PKHD1: variants seen among roughly 807,000 people sequenced by gnomAD.
PKHD1 encodes fibrocystin.
A neutral mutation model predicts 412.0 loss-of-function variants in PKHD1; 291 were observed. The observed-to-expected ratio is 0.71, with a 90% CI of 0.64 to 0.78. The LOEUF (loss-of-function observed/expected upper bound fraction) is 0.78, where lower values mean the gene tolerates loss of function less well. PKHD1 is among the 30% of genes least tolerant of loss of function. The pLI, the probability that PKHD1 is intolerant of heterozygous loss-of-function variation, is 0.00. For missense variants in PKHD1, 4,825 were observed against 4,950.7 expected (o/e 0.97, Z 0.76); for synonymous variants, 1,777 against 1,821.5 (o/e 0.98, Z 0.62).
intron 65 of PKHD1, among the ~76,000 whole-genome samples, chr6:51,627,518 C>A (rs1481522274): frequency 6.6e-6 from 1 of 151,732 alleles, no homozygotes; most frequent in Non-Finnish European, 1.5e-5. Flanking sequence ...TACATATGTG[C>A]CTTGCATATG....
chr6:51,646,983 C>T (rs751773569), intron 63 of PKHD1, among the ~76,000 whole-genome samples: 1 of 152,134 alleles, frequency 6.6e-6, no homozygotes, highest in Non-Finnish European at 1.5e-5. Context: ...AGAGCGCAGC[C>T]CAAACTCCCC....
intron 35 of PKHD1, among the ~76,000 whole-genome samples, chr6:51,992,386 T>C (rs1583768056): frequency 6.6e-6 from 1 of 152,390 alleles, no homozygotes. Context: ...TGTTTCATTT[T>C]AATGTTTGAA....
rs1554263049 is a variant in PKHD1 at position 51,830,856 on chromosome 6, C to T, written c.8302+5G>A. On this transcript the variant is annotated splice_donor_5th_base_variant and intron_variant, in intron 52 of 66. Transcript: ENST00000371117. ...GTGATTCATCTCTTGGGTAGTTTTA[C>T]TCACTGGGTAAAATGAGAACGTCAT... The T allele has an allele frequency of 6.2e-7, 1 of 1,612,354 alleles. No homozygotes were observed. The highest frequency in any genetic ancestry group is 8.5e-7 in the Non-Finnish European group (1 of 1,178,738).
Position 51,738,127 on chromosome 6 carries a change from G to A in PKHD1, c.10156+6258C>T, listed in dbSNP as rs193002416. Among the ~76,000 whole-genome samples, 26 of 152,252 alleles carry A rather than the reference G, an allele frequency of 1.7e-4. No homozygotes were observed. The East Asian group carries it at 4.1e-3, about 24-fold the overall frequency. ...TAGCCGATAGTTTGTGGGCCAGCAC[G>A]CGTGGAGCAGCTACCTCCAAGCCCC... is the stretch of plus-strand genomic sequence containing the variant. On this transcript the variant is annotated intron_variant, in intron 60 of 66. Coordinates refer to ENST00000371117, the MANE Select transcript of PKHD1 (RefSeq NM_138694.4).
At chr6:51,702,372 C>G (rs541971013) in intron 60 of PKHD1, among the ~76,000 whole-genome samples, 1 of 151,356 alleles carries the variant, frequency 6.6e-6, no homozygotes, top group Admixed American at 6.6e-5. Flanking sequence ...TAAGTGGGAG[C>G]TAAGCTATGA....
intron 60 of PKHD1, among the ~76,000 whole-genome samples, chr6:51,730,645 GAA>G (rs1295227496): frequency 6.6e-6 from 1 of 152,024 alleles, no homozygotes; most frequent in South Asian, 2.1e-4. Context: ...AATACATAAA[GAA>G]AAAACTGTAA....
chr6:51,632,328 T>C (rs142625521), intron 65 of PKHD1, among the ~76,000 whole-genome samples: 2 of 152,278 alleles, frequency 1.3e-5, no homozygotes, highest in African/African-American at 4.8e-5. Flanking sequence ...TCAGAATGTG[T>C]TCCATAGTGA....
At position 52,037,274 on chromosome 6, in the gene PKHD1, A is replaced by G. The variant is rs368949876; in HGVS notation, c.3098-1553T>C. 4.0e-4 allele frequency among the ~76,000 whole-genome samples: 61 copies of G among 152,238 alleles called. No homozygotes were observed. In the East Asian group the frequency reaches 9.6e-3, roughly 24 times the overall value. On this transcript the variant is annotated intron_variant, in intron 27 of 66. Transcript: ENST00000371117. The stretch of plus-strand genomic sequence containing the variant: ...ATATTAAAAAGAAAGTTTTTTGACT[A>G]GAAGGAAACATGGCAGAATTTTTAT...
intron 8 of PKHD1, 65 bp downstream of exon 8, chr6:52,072,050 T>C: frequency 1.1e-6 from 1 of 890,618 alleles, no homozygotes; most frequent in South Asian, 1.3e-5. Context: ...AGAGAATGTG[T>C]GTGTGTTGTA....
chr6:51,660,459 G>C (rs1772651119), intron 60 of PKHD1, among the ~76,000 whole-genome samples: 1 of 152,060 alleles, frequency 6.6e-6, no homozygotes, highest in South Asian at 2.1e-4. Context: ...AACAAAGTTA[G>C]TGCAGACTCC....
chr6:52,076,662 G>T (rs1430784114), intron 5 of PKHD1, among the ~76,000 whole-genome samples: 1 of 152,146 alleles, frequency 6.6e-6, no homozygotes, highest in Non-Finnish European at 1.5e-5. Flanking sequence ...TTACTAGAAG[G>T]AAAGGTAGAC....
intron 36 of PKHD1, among the ~76,000 whole-genome samples, chr6:51,943,837 G>A (rs1351144036): frequency 6.6e-6 from 1 of 151,288 alleles, no homozygotes; most frequent in African/African-American, 2.4e-5. Context: ...CCCACTGTAG[G>A]TTTCCATGCC....
chr6:51,622,241 G>C (rs535764859), intron 66 of PKHD1: 6 of 152,294 alleles, frequency 3.9e-5, no homozygotes, highest in African/African-American at 1.4e-4. Context: ...CTGTGCCTTT[G>C]ACTTTTAAAA....
At position 52,010,213 on chromosome 6, in the gene PKHD1, G is replaced by A. The variant is rs1378898995; in HGVS notation, c.5751+96C>T. 4.1e-5 allele frequency: 42 copies of A among 1,013,598 alleles called. No homozygotes were observed. In the South Asian group the frequency reaches 5.4e-4, roughly 13 times the overall value. 62.8% of individuals were successfully genotyped at this position (1,013,598 alleles called of 1,614,324 possible). A position where few individuals can be genotyped will look rare whatever the true frequency, so the allele number is the denominator to read the frequency against. Reference sequence around the variant, plus strand: ...TTGAGCACATTTAATATTATATATCGCTGCCATTTGGACTAAATTGTTTTT... The same window carrying A: ...TTGAGCACATTTAATATTATATATCACTGCCATTTGGACTAAATTGTTTTT... On this transcript the variant is annotated intron_variant, in intron 35 of 66. Coordinates refer to ENST00000371117, the MANE Select transcript of PKHD1 (RefSeq NM_138694.4).
At position 51,619,130 on chromosome 6, in the gene PKHD1, G is replaced by A. The variant is rs1284182261; in HGVS notation, c.12176C>T (p.Ala4059Val). 3 of 1,614,256 alleles carry A rather than the reference G, an allele frequency of 1.9e-6. No individual in the cohort carries two copies. In the South Asian group the frequency reaches 3.3e-5, roughly 18 times the overall value. The change falls in exon 67 of 67, where the codon GCA becomes GTA. Residue 4059 changes from alanine (A) to valine (V), a missense_variant. By Grantham distance (64) the Ala-to-Val change is moderately conservative (BLOSUM62 0). Coordinates refer to ENST00000371117, the MANE Select transcript of PKHD1 (RefSeq NM_138694.4). ...CGGGTGTACTGAATGAAGGCAGAAT[G>A]CCTCAGTGGCCCCGCAGGAGGCTTT... ...EKKASCGATE[A>V]FCLHSVHPET...
chr6:51,638,985 C>T (rs1167725612), intron 63 of PKHD1, 29 bp from the exon 64 acceptor site: 1 of 1,441,946 alleles, frequency 6.9e-7, no homozygotes, highest in Non-Finnish European at 9.8e-7. Flanking sequence ...CAAAAATTAG[C>T]TGTTTATTAT....
chr6:51,815,788 C>CT lies in PKHD1; in HGVS notation c.8302+15072dup, dbSNP rs1230063893. On this transcript the variant is annotated intron_variant, in intron 52 of 66. Transcript: ENST00000371117. The stretch of plus-strand genomic sequence containing the variant: ...TTTGAAAATTGGGTTTCTCAGGTTT[C>CT]TGTAAAGGTTAACTTATTTCCAACT... Among the ~76,000 whole-genome samples, 8 of 152,236 alleles carry CT rather than the reference C, an allele frequency of 5.3e-5. No individual in the cohort carries two copies. In the South Asian group the frequency reaches 1.7e-3, roughly 32 times the overall value.
Position 51,638,876 on chromosome 6 carries a change from A to G in PKHD1, c.11479T>C (p.Phe3827Leu), listed in dbSNP as rs1262487184. The change falls in exon 64 of 67, where the codon TTT (phenylalanine) becomes CTT (leucine). Residue 3827 changes from phenylalanine (F) to leucine (L), a missense_variant. Phe to Leu is a conservative substitution (Grantham distance 22). Transcript: ENST00000371117. Reference protein sequence around the residue: ...AVLISGSNWHFIFTVTSPPGV... With the variant: ...AVLISGSNWHLIFTVTSPPGV... ...GGAGGAGAAGTGACAGTAAAAATAA[A>G]GTGCCAGTTTGACCCAGAGATCAAG... The G allele has an allele frequency of 6.2e-7, 1 of 1,611,780 alleles. No homozygotes were observed. The highest frequency in any genetic ancestry group is 1.1e-5 in the South Asian group (1 of 91,044).
At chr6:51,755,295 A>G (rs1786786004) in intron 55 of PKHD1, among the ~76,000 whole-genome samples, 1 of 152,218 alleles carries the variant, frequency 6.6e-6, no homozygotes. Flanking sequence ...GCATTTCAGA[A>G]AAGAACTTTT....
Sources: gnomAD v4.1 joint callset for allele counts (sites outside exome capture counted in the v4.1 genomes callset) on GRCh38, gnomAD v4.1.1 for gene constraint, MANE v1.5 for transcripts, NCBI Gene and HGNC (gene_info 2026-07-23, HGNC 2026-07-21) for gene names.